The following ACAP2 variants were observed in gnomAD, a reference collection of about 807,000 sequenced individuals.
ACAP2 encodes the protein ArfGAP with coiled-coil, ankyrin repeat and PH domains 2, also known as arf-GAP with coiled-coil, ANK repeat and PH domain-containing protein 2.
ACAP2 carries 39 observed loss-of-function variants against 115.8 expected under a neutral mutation model. The observed-to-expected ratio is 0.34, with a 90% CI of 0.26 to 0.44. The LOEUF is 0.44. Among genes scored for constraint, ACAP2 ranks in the 20% least tolerant of loss-of-function variants. The probability of loss-of-function intolerance (pLI) is 1.00; values close to 1 mark genes in which losing one functional copy is unlikely to be tolerated. For missense variants in ACAP2, 662 were observed against 927.6 expected, an observed-to-expected ratio of 0.71 and a Z score of 3.72; for synonymous variants, 289 against 315.8, an observed-to-expected ratio of 0.92 and a Z score of 0.90.
In ACAP2 at chr3:195,275,762, C is replaced by G. The variant is rs912824905; in HGVS notation, c.*3566G>C. ...GAGCTTAGATTAAGATCTCAGAAAT[C>G]CTACCATGAGAATCCAGTGAGATAA... is the stretch of plus-strand genomic sequence containing the variant. On this transcript the variant is annotated 3_prime_UTR_variant, in exon 23 of 23. Coordinates refer to ENST00000326793, the MANE Select transcript of ACAP2 (RefSeq NM_012287.6). 1 of 152,154 alleles carries G rather than the reference C, an allele frequency of 6.6e-6. No homozygotes were observed. Among genetic ancestry groups the G allele is most frequent in the African/African-American group, 2.4e-5 (1 of 41,420 alleles). The allele number at this position is 152,154 out of a possible 1,614,324, so 9.4% of individuals were successfully genotyped here. A position where few individuals can be genotyped will look rare whatever the true frequency, so the allele number is the denominator to read the frequency against.
At chr3:195,395,340 A>C (rs907413984) in intron 1 of ACAP2, among the ~76,000 whole-genome samples, 6 of 152,218 alleles carry the variant, frequency 3.9e-5, no homozygotes, top group Non-Finnish European at 7.3e-5. Context: ...ATAAGTAATA[A>C]GGGAGATAGA....
chr3:195,324,367 A>G (rs531805370), intron 9 of ACAP2, among the ~76,000 whole-genome samples: 15 of 152,312 alleles, frequency 9.8e-5, no homozygotes, highest in Admixed American at 6.5e-4. Flanking sequence ...GGGAAAGAGC[A>G]AACTTTTTAA....
chr3:195,363,588 G>A (rs906784461), intron 4 of ACAP2, among the ~76,000 whole-genome samples: 1 of 150,570 alleles, frequency 6.6e-6, no homozygotes, highest in African/African-American at 2.4e-5. Context: ...CACAAAAATA[G>A]AAAAAAAATC....
chr3:195,333,001 G>A (rs1161070383), intron 8 of ACAP2, 27 bp downstream of exon 8: 6 of 1,511,350 alleles, frequency 4.0e-6, no homozygotes, highest in Non-Finnish European at 5.5e-6. Flanking sequence ...GTATAAAACA[G>A]AATCAAGAAA....
intron 4 of ACAP2, among the ~76,000 whole-genome samples, chr3:195,354,860 C>T (rs1731848815): frequency 6.6e-6 from 1 of 152,152 alleles, no homozygotes. Context: ...GTAATCTAGA[C>T]TATTTACTGG....
intron 10 of ACAP2, among the ~76,000 whole-genome samples, chr3:195,315,160 C>T (rs112008164): frequency 0.021 from 3,268 of 152,264 alleles, 113 homozygotes; most frequent in East Asian, 0.1. Flanking sequence ...GGGCTACAGG[C>T]ACCACACCAC....
At chr3:195,401,756 T>C (rs1437915097) in intron 1 of ACAP2, among the ~76,000 whole-genome samples, 1 of 152,148 alleles carries the variant, frequency 6.6e-6, no homozygotes, top group African/African-American at 2.4e-5. Context: ...TCACAGAATC[T>C]TGAATGGGGA....
chr3:195,358,136 T>C (rs79307600), intron 4 of ACAP2, among the ~76,000 whole-genome samples: 3,864 of 152,178 alleles, frequency 0.025, 142 homozygotes, highest in African/African-American at 0.084. Context: ...TCTCTATAAG[T>C]GTCCAAGAAC....
chr3:195,285,437 A>G (rs1165475200), intron 22 of ACAP2: 2 of 185,896 alleles, frequency 1.1e-5, no homozygotes, highest in Admixed American at 1.2e-4. Context: ...GAAAACAACT[A>G]TTTTGCTGCT....
chr3:195,316,063 C>T (rs1229297047), intron 10 of ACAP2, among the ~76,000 whole-genome samples: 2 of 152,100 alleles, frequency 1.3e-5, no homozygotes, highest in African/African-American at 4.8e-5. Flanking sequence ...TATGGATTTA[C>T]TGTATTTTCA....
At chr3:195,420,024 TGACA>T (rs1463395971) in intron 1 of ACAP2, among the ~76,000 whole-genome samples, 1 of 152,232 alleles carries the variant, frequency 6.6e-6, no homozygotes, top group Admixed American at 6.5e-5. Context: ...AAATGCTGAC[TGACA>T]TTGCATTTAT....
intron 1 of ACAP2, among the ~76,000 whole-genome samples, chr3:195,411,605 A>G (rs75615680): frequency 6.6e-6 from 1 of 152,356 alleles, no homozygotes; most frequent in East Asian, 1.9e-4. Context: ...CATTTTATTT[A>G]GCTATTTCCT....
Position 195,308,978 on chromosome 3 carries a change from T to C in ACAP2, c.858-141A>G, listed in dbSNP as rs535842114. 2.4e-5 allele frequency: 18 copies of C among 736,880 alleles called. No individual in the cohort carries two copies. The South Asian group carries it at 3.1e-4, about 13-fold the overall frequency. The allele number at this position is 736,880 out of a possible 1,614,324, so 45.6% of individuals were successfully genotyped here. ...AAGTCCACTGTATTATTTTGCTTTA[T>C]ATAAACTGATTCTAACATGGGAAAA... On this transcript the variant is annotated intron_variant, in intron 10 of 22. Coordinates refer to ENST00000326793, the MANE Select transcript of ACAP2 (RefSeq NM_012287.6).
chr3:195,311,454 G>A (rs76000276), intron 10 of ACAP2, among the ~76,000 whole-genome samples: 3,286 of 152,080 alleles, frequency 0.022, 117 homozygotes, highest in East Asian at 0.1. Flanking sequence ...ACAGCTCATG[G>A]ACTGTGAAAT....
intron 4 of ACAP2, among the ~76,000 whole-genome samples, chr3:195,347,948 G>T (rs1267265135): frequency 6.6e-6 from 1 of 151,906 alleles, no homozygotes. Flanking sequence ...GGAGTTCAAG[G>T]TTGCAGTGAG....
chr3:195,398,493 C>T (rs923017960), intron 1 of ACAP2, among the ~76,000 whole-genome samples: 1 of 151,890 alleles, frequency 6.6e-6, no homozygotes, highest in African/African-American at 2.4e-5. Context: ...AAAAATGCGC[C>T]AGGCATGGTG....
At chr3:195,361,105 T>C (rs1407262595) in intron 4 of ACAP2, among the ~76,000 whole-genome samples, 1 of 151,846 alleles carries the variant, frequency 6.6e-6, no homozygotes, top group Non-Finnish European at 1.5e-5. Context: ...TTAAACAATA[T>C]GCTCCTGAAT....
chr3:195,372,683 G>A (rs1463827133), intron 4 of ACAP2, among the ~76,000 whole-genome samples: 1 of 152,006 alleles, frequency 6.6e-6, no homozygotes, highest in East Asian at 1.9e-4. Context: ...CAGGCATGGT[G>A]GCACACCTGT....
intron 21 of ACAP2, among the ~76,000 whole-genome samples, chr3:195,287,746 G>A (rs1422550867): frequency 6.6e-6 from 1 of 152,160 alleles, no homozygotes; most frequent in Non-Finnish European, 1.5e-5. Flanking sequence ...TCTCGAGGTA[G>A]TAGAATAATT....
Sources: allele counts gnomAD v4.1 joint callset (sites outside exome capture counted in the v4.1 genomes callset), GRCh38; gene constraint gnomAD v4.1.1; transcripts MANE v1.5; gene names NCBI Gene and HGNC (gene_info 2026-07-23, HGNC 2026-07-21).